RBFOX3: variants seen among roughly 807,000 people sequenced by gnomAD.
RBFOX3 encodes the protein RNA binding fox-1 homolog 3, also known as RNA binding protein fox-1 homolog 3.
A neutral mutation model predicts 48.7 loss-of-function variants in RBFOX3; 17 were observed. The ratio of observed to expected loss-of-function variants is 0.35; its 90% CI spans 0.24 to 0.52. The LOEUF is 0.52. Ranked by LOEUF, RBFOX3 falls within the 20% of genes least tolerant of loss-of-function variation. The pLI, the probability that RBFOX3 is intolerant of heterozygous loss-of-function variation, is 0.94. For missense variants in RBFOX3, 382 were observed against 497.5 expected, an observed-to-expected ratio of 0.77 and a Z score of 2.21; for synonymous variants, 212 against 209.5, an observed-to-expected ratio of 1.01 and a Z score of -0.10.
chr17:79,112,510 C>T (rs2032123610), intron 5 of RBFOX3, among the ~76,000 whole-genome samples: 1 of 152,118 alleles, frequency 6.6e-6, no homozygotes, highest in African/African-American at 2.4e-5. Context: ...CTTTGAGGAT[C>T]CTGGGGTGGA....
chr17:79,196,835 C>T (rs2612805), intron 4 of RBFOX3, among the ~76,000 whole-genome samples: 11,567 of 152,246 alleles, frequency 0.076, 618 homozygotes, highest in Middle Eastern at 0.22. Context: ...GTTTACCTTC[C>T]TAATTACTGT....
intron 1 of RBFOX3, among the ~76,000 whole-genome samples, chr17:79,485,818 C>T (rs1451157746): frequency 1.3e-5 from 2 of 152,224 alleles, no homozygotes; most frequent in African/African-American, 4.8e-5. Flanking sequence ...CCTCCTCTGC[C>T]GCCGGCTAGG....
chr17:79,101,518 G>A, intron 9 of RBFOX3, 66 bp downstream of exon 9: 2 of 1,402,046 alleles, frequency 1.4e-6, no homozygotes, highest in Middle Eastern at 1.8e-4. Context: ...AGCAGCCTCA[G>A]CTCCCCCAGG....
chr17:79,191,039 C>G (rs2054421053), intron 4 of RBFOX3, among the ~76,000 whole-genome samples: 1 of 152,130 alleles, frequency 6.6e-6, no homozygotes, highest in African/African-American at 2.4e-5. Flanking sequence ...GAGTAGAGAC[C>G]CATGGGAAGA....
chr17:79,381,902 G>A (rs970919905), intron 2 of RBFOX3, among the ~76,000 whole-genome samples: 1 of 152,144 alleles, frequency 6.6e-6, no homozygotes, highest in African/African-American at 2.4e-5. Flanking sequence ...GCCCAGGGGT[G>A]CACTGAGGAA....
intron 1 of RBFOX3, among the ~76,000 whole-genome samples, chr17:79,579,365 G>T (rs1350291609): frequency 6.6e-6 from 1 of 152,164 alleles, no homozygotes; most frequent in Non-Finnish European, 1.5e-5. Context: ...CACATCAGCC[G>T]GTTTGCTCCC....
chr17:79,592,593 G>T (rs2093453433), intron 1 of RBFOX3, among the ~76,000 whole-genome samples: 2 of 152,026 alleles, frequency 1.3e-5, no homozygotes, highest in Non-Finnish European at 2.9e-5. Context: ...GAAGGCTGGG[G>T]CAGGGAGTGG....
intron 1 of RBFOX3, among the ~76,000 whole-genome samples, 104 bp downstream of exon 1, chr17:79,610,722 C>T (rs1303193932): frequency 1.3e-5 from 2 of 152,082 alleles, no homozygotes; most frequent in Non-Finnish European, 2.9e-5. Flanking sequence ...CCTCCCACTG[C>T]GGGGTCCCAT....
chr17:79,092,302 G>A (rs562571601), intron 14 of RBFOX3: 83 of 985,396 alleles, frequency 8.4e-5, no homozygotes, highest in Non-Finnish European at 9.8e-5. Flanking sequence ...TGTGCACACC[G>A]TACCTGCAAT....
chr17:79,143,651 G>A lies in RBFOX3; in HGVS notation c.-33-27903C>T, dbSNP rs113927068. ...CCCCTTCGCTCGGCACCAACGCCAC[G>A]TGCAGGAGCTCCCTAGGGACAGGAA... On this transcript the variant is annotated intron_variant, in intron 4 of 14. Coordinates refer to ENST00000693108, the MANE Select transcript of RBFOX3 (RefSeq NM_001350451.2). Among the ~76,000 whole-genome samples the A allele has an allele frequency of 6.6e-5, 10 of 152,302 alleles. 1 individual carries two copies. Among genetic ancestry groups the A allele is most frequent in the East Asian group, 1.9e-4 (1 of 5,182 alleles).
rs369481241 is a variant in RBFOX3, at chr17:79,477,534, C to G, written c.-175+4920G>C. ...TCGCCCCATCGCACTCCAGCCTGGG[C>G]GACAGAGCGAAACTCCGTCACCGGA... On this transcript the variant is annotated intron_variant, in intron 2 of 14. Transcript: ENST00000693108. This position sits in a 1 kb window ranked among gnomAD's most constrained non-coding sequence, Gnocchi z 4.8. Among the ~76,000 whole-genome samples the G allele has an allele frequency of 1.2e-3, 179 of 150,114 alleles. No individual in the cohort carries two copies. Among genetic ancestry groups the G allele is most frequent in the Middle Eastern group, 3.4e-3 (1 of 294 alleles).
chr17:79,419,955 C>T (rs545194918), intron 2 of RBFOX3, among the ~76,000 whole-genome samples: 46 of 152,260 alleles, frequency 3.0e-4, no homozygotes, highest in South Asian at 6.2e-4. Flanking sequence ...GGTGAAACCT[C>T]GTCTCTACTA....
chr17:79,262,463 T>C (rs2065943119), intron 3 of RBFOX3, among the ~76,000 whole-genome samples: 1 of 152,254 alleles, frequency 6.6e-6, no homozygotes, highest in African/African-American at 2.4e-5. Context: ...TCGTTCTCCT[T>C]TGAAGAACAA....
intron 1 of RBFOX3, among the ~76,000 whole-genome samples, chr17:79,609,569 A>C (rs1478259564): frequency 6.6e-6 from 1 of 152,200 alleles, no homozygotes; most frequent in Non-Finnish European, 1.5e-5. Context: ...TGGAACGGAA[A>C]GGGGAGGGGG....
intron 3 of RBFOX3, among the ~76,000 whole-genome samples, chr17:79,304,256 T>C (rs1366937511): frequency 6.6e-6 from 1 of 151,974 alleles, no homozygotes; most frequent in Non-Finnish European, 1.5e-5. Flanking sequence ...TCATGAAGAA[T>C]GAGGTTAATA....
chr17:79,338,621 C>A (rs2081568754), intron 2 of RBFOX3, among the ~76,000 whole-genome samples: 1 of 152,202 alleles, frequency 6.6e-6, no homozygotes, highest in African/African-American at 2.4e-5. Flanking sequence ...AAACTATACT[C>A]ACTTAAGGGG....
intron 9 of RBFOX3, 26 bp downstream of exon 9, chr17:79,101,558 C>T (rs748288055): frequency 6.5e-7 from 1 of 1,544,618 alleles, no homozygotes; most frequent in South Asian, 1.2e-5. Context: ...ACCCCAGCAG[C>T]CTTGTGGGGG....
chr17:79,503,436 A>G (rs1378842629), intron 1 of RBFOX3, among the ~76,000 whole-genome samples: 4 of 152,242 alleles, frequency 2.6e-5, no homozygotes, highest in African/African-American at 9.6e-5. Flanking sequence ...AATTTTCATG[A>G]TATGTGTATT....
chr17:79,374,805 T>C (rs1439909617), intron 2 of RBFOX3, among the ~76,000 whole-genome samples: 1 of 152,272 alleles, frequency 6.6e-6, no homozygotes, highest in Non-Finnish European at 1.5e-5. Context: ...GCAAGACTTC[T>C]TTACAGACTG....
Sources: allele counts gnomAD v4.1 joint callset (sites outside exome capture counted in the v4.1 genomes callset), GRCh38; gene constraint gnomAD v4.1.1; non-coding constraint Gnocchi (gnomAD v3.1); transcripts MANE v1.5; gene names NCBI Gene and HGNC (gene_info 2026-07-23, HGNC 2026-07-21).